DOCK8: variants seen among roughly 807,000 people sequenced by gnomAD.
The protein encoded by DOCK8 is dedicator of cytokinesis 8, also known as dedicator of cytokinesis protein 8.
Under a neutral mutation model 245.6 loss-of-function variants are expected in DOCK8, and 141 were observed. The ratio of observed to expected loss-of-function variants is 0.57; its 90% CI spans 0.50 to 0.66. DOCK8 has a LOEUF of 0.66. Ranked by LOEUF, DOCK8 falls within the 30% of genes least tolerant of loss-of-function variation. DOCK8 has a pLI of 0.00. For missense variants in DOCK8, 2,965 were observed against 2,603.4 expected (o/e 1.14, Z -3.02); for synonymous variants, 1,168 against 970.2 (o/e 1.20, Z -3.79).
At chr9:257,428 T>C (rs2047804510) in intron 1 of DOCK8, among the ~76,000 whole-genome samples, 1 of 152,228 alleles carries the variant, frequency 6.6e-6, no homozygotes, top group East Asian at 1.9e-4. Flanking sequence ...CTGGAATTTT[T>C]CTGCCAGCAA....
chr9:390,425 A>T, intron 23 of DOCK8, 46 bp from the exon 24 acceptor site: 4 of 1,548,230 alleles, frequency 2.6e-6, no homozygotes, highest in Non-Finnish European at 3.6e-6. Flanking sequence ...TTGGTGAATA[A>T]TAATAGCCTT....
chr9:450,591 G>A (rs981963873), intron 45 of DOCK8, among the ~76,000 whole-genome samples: 3 of 152,020 alleles, frequency 2.0e-5, no homozygotes, highest in African/African-American at 7.2e-5. Flanking sequence ...ACACTTCCAC[G>A]GCAGTTATTC....
intron 1 of DOCK8, among the ~76,000 whole-genome samples, chr9:244,001 G>C (rs931406506): frequency 6.6e-6 from 1 of 151,894 alleles, no homozygotes; most frequent in African/African-American, 2.4e-5. Flanking sequence ...TGGCTAACAT[G>C]GTGAAACCCC....
intron 1 of DOCK8, among the ~76,000 whole-genome samples, chr9:265,367 G>C (rs1649177861): frequency 6.6e-6 from 1 of 152,170 alleles, no homozygotes; most frequent in African/African-American, 2.4e-5. Context: ...TGGCTATTTT[G>C]CAAGGTTTAA....
chr9:387,687 C>G (rs544948161), intron 23 of DOCK8, among the ~76,000 whole-genome samples: 1 of 152,214 alleles, frequency 6.6e-6, no homozygotes, highest in East Asian at 1.9e-4. Context: ...CAGGATTTAA[C>G]TATAAAAGGA....
chr9:231,017 G>C (rs1488260971), intron 1 of DOCK8, among the ~76,000 whole-genome samples: 1 of 152,062 alleles, frequency 6.6e-6, no homozygotes, highest in Non-Finnish European at 1.5e-5. Flanking sequence ...TTTTCTTCTA[G>C]GGTTTTTATG....
At chr9:290,153 A>T (rs2048978785) in intron 4 of DOCK8, among the ~76,000 whole-genome samples, 1 of 152,194 alleles carries the variant, frequency 6.6e-6, no homozygotes, top group South Asian at 2.1e-4. Flanking sequence ...TCTATTTTAA[A>T]CATAAAGAAT....
rs150298985 is a variant in DOCK8, at chr9:399,245, C to A, written c.3220C>A (p.His1074Asn). 631 of 1,613,578 alleles carry A rather than the reference C, an allele frequency of 3.9e-4. 2 individuals carry two copies. Among genetic ancestry groups the A allele is most frequent in the South Asian group, 2.6e-3 (233 of 91,046 alleles). ...GGGCTTTGTGTTTAACCTCATCAGA[C>A]ATTATTGCAGCCAGGTGAGTGTCCC... The part of the protein sequence containing the change: ...DRGFVFNLIR[H>N]YCSQLSAKLS... The change falls in exon 26 of 48, where the codon CAT (histidine) becomes AAT (asparagine). Residue 1074 changes from histidine to asparagine, a missense_variant. Coordinates refer to ENST00000432829, the MANE Select transcript of DOCK8 (RefSeq NM_203447.4).
At chr9:411,827 C>G (rs1404750370) in intron 28 of DOCK8, among the ~76,000 whole-genome samples, 1 of 152,128 alleles carries the variant, frequency 6.6e-6, no homozygotes, top group African/African-American at 2.4e-5. Context: ...AAATAAAGGA[C>G]AAAACCCATA....
At chr9:363,926 T>C (rs111318714) in intron 14 of DOCK8, among the ~76,000 whole-genome samples, 25 of 152,322 alleles carry the variant, frequency 1.6e-4, no homozygotes, top group African/African-American at 5.5e-4. Flanking sequence ...ACTACTGTTA[T>C]GATTTACACA....
intron 7 of DOCK8, among the ~76,000 whole-genome samples, chr9:324,109 G>C (rs142803657): frequency 1.5e-4 from 23 of 152,334 alleles, no homozygotes; most frequent in African/African-American, 4.8e-4. Flanking sequence ...CCTGATTAGG[G>C]TCGCAGAATT....
intron 4 of DOCK8, among the ~76,000 whole-genome samples, chr9:290,120 A>G (rs2048977898): frequency 1.3e-5 from 2 of 152,140 alleles, no homozygotes; most frequent in South Asian, 2.1e-4. Flanking sequence ...TTATTTATCC[A>G]TTAACTTACT....
intron 39 of DOCK8, 133 bp downstream of exon 39, chr9:435,108 T>C (rs1192164668): frequency 5.0e-6 from 5 of 1,006,934 alleles, no homozygotes; most frequent in Non-Finnish European, 7.5e-6. Flanking sequence ...GAGTAGGTGC[T>C]ACTGGCATCT....
At chr9:403,210 T>A (rs995335977) in intron 26 of DOCK8, among the ~76,000 whole-genome samples, 4 of 152,218 alleles carry the variant, frequency 2.6e-5, no homozygotes, top group Non-Finnish European at 5.9e-5. Context: ...TCTTGAATGA[T>A]GTCTCAAGGG....
Position 398,732 on chromosome 9 carries a change from A to G in DOCK8, c.3121-414A>G, listed in dbSNP as rs915208811. Among the ~76,000 whole-genome samples the G allele has an allele frequency of 3.3e-5, 5 of 152,168 alleles. 1 individual carries two copies. Among genetic ancestry groups the G allele is most frequent in the Middle Eastern group, 6.8e-3 (2 of 294 alleles). ...TATCCTGATTGGATTTTCTGTAATA[A>G]TCCTTAAAAATTAAGAAACTGTCTC... On this transcript the variant is annotated intron_variant, in intron 25 of 47. Transcript: ENST00000432829.
intron 1 of DOCK8, among the ~76,000 whole-genome samples, chr9:241,578 C>G (rs1220717423): frequency 6.6e-6 from 1 of 152,138 alleles, no homozygotes; most frequent in East Asian, 1.9e-4. Flanking sequence ...TTAATGGATA[C>G]CATTCCAGTG....
chr9:297,416 A>C (rs2049309336), intron 4 of DOCK8, among the ~76,000 whole-genome samples: 1 of 152,204 alleles, frequency 6.6e-6, no homozygotes, highest in Admixed American at 6.5e-5. Flanking sequence ...GGATTGTCTC[A>C]AATGTGTTAG....
At chr9:326,662 AC>A (rs2050779139) in intron 8 of DOCK8, among the ~76,000 whole-genome samples, 1 of 152,104 alleles carries the variant, frequency 6.6e-6, no homozygotes, top group Non-Finnish European at 1.5e-5. Flanking sequence ...GGGAGGAGGG[AC>A]CCCTCTGTTC....
intron 1 of DOCK8, among the ~76,000 whole-genome samples, chr9:244,721 A>G (rs1328710296): frequency 1.3e-5 from 2 of 152,210 alleles, no homozygotes; most frequent in Non-Finnish European, 2.9e-5. Flanking sequence ...CTAGAGTTCC[A>G]TCACACTTCA....
Sources: gnomAD v4.1 joint callset for allele counts (sites outside exome capture counted in the v4.1 genomes callset) on GRCh38, gnomAD v4.1.1 for gene constraint, MANE v1.5 for transcripts, NCBI Gene and HGNC (gene_info 2026-07-23, HGNC 2026-07-21) for gene names.